BCAT1: variants seen among roughly 807,000 people sequenced by gnomAD.
The protein encoded by BCAT1 is branched-chain-amino-acid aminotransferase, cytosolic.
Under a neutral mutation model 52.4 loss-of-function variants are expected in BCAT1, and 48 were observed. That is an observed-to-expected ratio of 0.92 (90% CI 0.73 to 1.16). The LOEUF is 1.16. Among genes scored for constraint, BCAT1 ranks in the 50% most tolerant of loss-of-function variants. BCAT1 has a pLI of 0.00. For missense variants in BCAT1, 451 were observed against 457.1 expected (o/e 0.99, Z 0.12); for synonymous variants, 167 against 161.3 (o/e 1.04, Z -0.27).
rs1197384751 is a variant in BCAT1 at position 24,810,308 on chromosome 12, T to C, written c.*7700A>G. The C allele has an allele frequency of 1.3e-5, 2 of 152,170 alleles. No individual in the cohort carries two copies. Among genetic ancestry groups the C allele is most frequent in the African/African-American group, 4.8e-5 (2 of 41,440 alleles). The allele number at this position is 152,170 out of a possible 1,614,324, so 9.4% of individuals were successfully genotyped here. A position where few individuals can be genotyped will look rare whatever the true frequency, so the allele number is the denominator to read the frequency against. On this transcript the variant is annotated 3_prime_UTR_variant, in exon 11 of 11. Transcript: ENST00000261192. Reference sequence around the variant, plus strand: ...GCATATTTCACTTAAAAATAAATTATCACAATATAAGGCACATATGTATAT... The same window carrying C: ...GCATATTTCACTTAAAAATAAATTACCACAATATAAGGCACATATGTATAT...
At chr12:24,828,879 G>C (rs914136552) in intron 10 of BCAT1, among the ~76,000 whole-genome samples, 4 of 151,714 alleles carry the variant, frequency 2.6e-5, no homozygotes, top group African/African-American at 9.7e-5. Flanking sequence ...GGTGGCATGA[G>C]ACCTGTAATC....
intron 1 of BCAT1, among the ~76,000 whole-genome samples, chr12:24,944,466 G>A (rs1019425099): frequency 7.3e-4 from 111 of 152,308 alleles, no homozygotes; most frequent in Non-Finnish European, 1.8e-4. Context: ...TGTCAGTCAC[G>A]TTAAGAGACA....
intron 7 of BCAT1, among the ~76,000 whole-genome samples, chr12:24,838,718 T>C (rs957054627): frequency 2.6e-5 from 4 of 152,188 alleles, no homozygotes; most frequent in Non-Finnish European, 5.9e-5. Context: ...CAGACAGAGA[T>C]GATGACATGA....
intron 5 of BCAT1, among the ~76,000 whole-genome samples, chr12:24,857,074 A>C (rs1176266395): frequency 2.0e-5 from 3 of 152,238 alleles, no homozygotes; most frequent in Non-Finnish European, 4.4e-5. Flanking sequence ...GAGACTGTGC[A>C]GTACTGCAGC....
intron 1 of BCAT1, among the ~76,000 whole-genome samples, chr12:24,929,768 G>A (rs2139739924): frequency 6.6e-6 from 1 of 152,174 alleles, no homozygotes; most frequent in Non-Finnish European, 1.5e-5. Flanking sequence ...CCCAAGCCCT[G>A]ATTCCTTTTC....
intron 5 of BCAT1, 40 bp downstream of exon 5, chr12:24,878,487 ACTT>A: frequency 6.4e-7 from 1 of 1,566,930 alleles, no homozygotes; most frequent in South Asian, 1.2e-5. Context: ...AACAATAATA[ACTT>A]GCCCAGCAAA....
At chr12:24,949,228 C>A (rs1212271256), upstream of BCAT1, 1 of 494,264 alleles carries the variant, frequency 2.0e-6, no homozygotes. Context: ...TCGGAGCCAG[C>A]GCCCAGACCC....
chr12:24,878,236 T>G (rs1015059938), intron 5 of BCAT1, among the ~76,000 whole-genome samples: 1 of 152,144 alleles, frequency 6.6e-6, no homozygotes, highest in Non-Finnish European at 1.5e-5. Flanking sequence ...ATAAACGTCT[T>G]AGTATTTTGT....
intron 10 of BCAT1, among the ~76,000 whole-genome samples, chr12:24,823,818 A>T (rs1005456324): frequency 7.2e-5 from 11 of 152,186 alleles, no homozygotes; most frequent in Non-Finnish European, 8.8e-5. Flanking sequence ...ACTGAGCGTC[A>T]ATAAAACCTC....
At position 24,894,473 on chromosome 12, in the gene BCAT1, A is replaced by C; in HGVS notation, c.81T>G (p.Ala27=). The change falls in exon 3 of 11, where the codon GCT becomes GCG. Residue 27 remains alanine, a splice_region_variant and synonymous_variant. Coordinates refer to ENST00000261192, the MANE Select transcript of BCAT1 (RefSeq NM_005504.7). ...GSKEVVGTFK[A]KDLIVTPATI... ...TAGCTGGTGTGACTATTAGGTCTTTAGCCTGGGGAAGAAAAATCATCACTA... is the reference window on the plus strand; with the variant it reads ...TAGCTGGTGTGACTATTAGGTCTTTCGCCTGGGGAAGAAAAATCATCACTA... 1 of 1,582,992 alleles carries C rather than the reference A, an allele frequency of 6.3e-7. No individual in the cohort carries two copies. Among genetic ancestry groups the C allele is most frequent in the Non-Finnish European group, 8.6e-7 (1 of 1,163,188 alleles).
At chr12:24,915,829 AT>A (rs1216960438) in intron 1 of BCAT1, among the ~76,000 whole-genome samples, 1 of 152,168 alleles carries the variant, frequency 6.6e-6, no homozygotes, top group African/African-American at 2.4e-5. Context: ...CTTTGTTGGA[AT>A]TTTTTCATAA....
intron 5 of BCAT1, among the ~76,000 whole-genome samples, chr12:24,854,461 T>C (rs1266174511): frequency 6.6e-6 from 1 of 152,206 alleles, no homozygotes; most frequent in African/African-American, 2.4e-5. Flanking sequence ...GAAAGAAGTT[T>C]AAATTGTTAA....
At chr12:24,932,545 A>G (rs1047031437) in intron 1 of BCAT1, among the ~76,000 whole-genome samples, 10 of 152,284 alleles carry the variant, frequency 6.6e-5, no homozygotes, top group African/African-American at 2.4e-4. Flanking sequence ...ATATGTTACT[A>G]TATGAGGATA....
intron 7 of BCAT1, 35 bp from the exon 8 acceptor site, chr12:24,836,631 C>G (rs1262278804): frequency 6.5e-7 from 1 of 1,536,564 alleles, no homozygotes; most frequent in Non-Finnish European, 8.9e-7. Context: ...TTCAAACTTT[C>G]ACTACATTAG....
chr12:24,832,689 G>A, intron 9 of BCAT1, 34 bp downstream of exon 9: 1 of 1,566,220 alleles, frequency 6.4e-7, no homozygotes, highest in Admixed American at 1.8e-5. Context: ...AATGTGATTG[G>A]AAATGATAGG....
At chr12:24,910,910 C>T (rs1368427148) in intron 1 of BCAT1, among the ~76,000 whole-genome samples, 3 of 152,138 alleles carry the variant, frequency 2.0e-5, no homozygotes, top group Non-Finnish European at 4.4e-5. Flanking sequence ...TTGAGACCAG[C>T]CTGGCCAACA....
At chr12:24,924,069 G>A (rs1407399681) in intron 1 of BCAT1, among the ~76,000 whole-genome samples, 3 of 152,026 alleles carry the variant, frequency 2.0e-5, no homozygotes, top group Admixed American at 6.6e-5. Flanking sequence ...CGATTATGTC[G>A]ATAATATACA....
chr12:24,861,570 C>T (rs147029028), intron 5 of BCAT1, among the ~76,000 whole-genome samples: 104 of 152,242 alleles, frequency 6.8e-4, no homozygotes, highest in African/African-American at 2.1e-3. Context: ...TGAATAGTTA[C>T]GCAAAAATAT....
At chr12:24,891,249 G>A (rs980482079) in intron 3 of BCAT1, among the ~76,000 whole-genome samples, 5 of 152,112 alleles carry the variant, frequency 3.3e-5, no homozygotes, top group African/African-American at 1.2e-4. Flanking sequence ...TGCCGGAAGA[G>A]CCTTCAACTC....
Sources: gnomAD v4.1 joint callset for allele counts (sites outside exome capture counted in the v4.1 genomes callset) on GRCh38, gnomAD v4.1.1 for gene constraint, MANE v1.5 for transcripts, NCBI Gene and HGNC (gene_info 2026-07-23, HGNC 2026-07-21) for gene names.